Variants in ACVR1 observed in about 807,000 individuals in gnomAD.
ACVR1 encodes the protein activin A receptor type 1.
Under a neutral mutation model 57.1 loss-of-function variants are expected in ACVR1, and 38 were observed. The ratio of observed to expected loss-of-function variants is 0.67; its 90% confidence interval spans 0.51 to 0.87. The LOEUF is 0.87. Ranked by LOEUF, ACVR1 falls within the 40% of genes least tolerant of loss-of-function variation. The pLI, the probability that ACVR1 is intolerant of heterozygous loss-of-function variation, is 0.00. For synonymous variants in ACVR1, 212 were observed against 228.1 expected (o/e 0.93, Z 0.63); for missense variants, 463 against 638.2 (o/e 0.73, Z 2.96).
intron 1 of ACVR1, among the ~76,000 whole-genome samples, 168 bp from the exon 2 acceptor site, chr2:157,818,727 G>A (rs1380121895): frequency 6.6e-6 from 1 of 152,184 alleles, no homozygotes; most frequent in African/African-American, 2.4e-5. Context: ...ACACTGATAG[G>A]AAGAGTGTGG....
At chr2:157,836,729 T>A (rs1004760692) in intron 1 of ACVR1, among the ~76,000 whole-genome samples, 4 of 152,172 alleles carry the variant, frequency 2.6e-5, no homozygotes, top group African/African-American at 9.7e-5. Context: ...CCTGACACAG[T>A]GAGCACACTC....
intron 8 of ACVR1, among the ~76,000 whole-genome samples, chr2:157,763,162 T>C (rs781368611): frequency 3.3e-5 from 5 of 152,212 alleles, no homozygotes; most frequent in Non-Finnish European, 7.3e-5. Flanking sequence ...TATAAAATGA[T>C]ACTAGAGAAT....
chr2:157,847,537 T>A (rs553862379), intron 1 of ACVR1, among the ~76,000 whole-genome samples: 3 of 152,336 alleles, frequency 2.0e-5, no homozygotes, highest in Admixed American at 1.3e-4. Flanking sequence ...ATTTTCTATT[T>A]AACCACTGTT....
intron 3 of ACVR1, among the ~76,000 whole-genome samples, chr2:157,782,311 G>T (rs942318637): frequency 1.3e-5 from 2 of 152,096 alleles, no homozygotes; most frequent in East Asian, 3.8e-4. Context: ...ACCACAAGGG[G>T]CTCATCCAAG....
In ACVR1 at chr2:157,796,864, T is replaced by C. The variant is rs570401317; in HGVS notation, c.67+2563A>G. 1.1e-4 allele frequency among the ~76,000 whole-genome samples: 17 copies of C among 152,304 alleles called. 1 individual carries two copies. In the South Asian group the frequency reaches 3.1e-3, roughly 28 times the overall value. On this transcript the variant is annotated intron_variant, in intron 3 of 10. Coordinates refer to ENST00000434821, the MANE Select transcript of ACVR1 (RefSeq NM_001111067.4). ...TTTCCTCGTATTAATTCCTTCAACA[T>C]TGCCACTCAGGATCCCTTCCCCATA...
At chr2:157,862,491 A>AAT (rs1689758718) in intron 1 of ACVR1, among the ~76,000 whole-genome samples, 1 of 150,984 alleles carries the variant, frequency 6.6e-6, no homozygotes, top group Non-Finnish European at 1.5e-5. Flanking sequence ...TGTATTTACT[A>AAT]ATATATATAT....
At chr2:157,862,435 A>G (rs1399191923) in intron 1 of ACVR1, among the ~76,000 whole-genome samples, 1 of 150,868 alleles carries the variant, frequency 6.6e-6, no homozygotes, top group African/African-American at 2.4e-5. Flanking sequence ...ACACACACAC[A>G]CACACACACA....
At chr2:157,841,536 T>C (rs1332940007) in intron 1 of ACVR1, among the ~76,000 whole-genome samples, 1 of 152,108 alleles carries the variant, frequency 6.6e-6, no homozygotes, top group Non-Finnish European at 1.5e-5. Context: ...TTACTTAAAC[T>C]TACAGTTAAA....
At chr2:157,872,517 C>A (rs567275272) in intron 1 of ACVR1, among the ~76,000 whole-genome samples, 1 of 152,282 alleles carries the variant, frequency 6.6e-6, no homozygotes. Flanking sequence ...GCAGCCCACA[C>A]TATTTAGTTG....
rs532085006 is a variant in ACVR1, at chr2:157,862,992, C to T, written c.-183+12804G>A. ...TTCTATGAATATATATAAACCTAAC[C>T]GCTGCTGTAGAACATTTACTTTTTT... is the stretch of plus-strand genomic sequence containing the variant. On this transcript the variant is annotated intron_variant, in intron 1 of 10. Transcript: ENST00000434821. Among the ~76,000 whole-genome samples the T allele has an allele frequency of 4.0e-4, 59 of 148,910 alleles. 1 individual carries two copies. The highest frequency in any genetic ancestry group is 3.3e-4 in the Non-Finnish European group (22 of 67,556).
chr2:157,778,043 T>C (rs1686356784), intron 5 of ACVR1, 88 bp downstream of exon 5: 1 of 1,382,744 alleles, frequency 7.2e-7, no homozygotes, highest in African/African-American at 1.4e-5. Flanking sequence ...CAGTCACTCA[T>C]TACTGGTTAG....
intron 9 of ACVR1, among the ~76,000 whole-genome samples, chr2:157,743,147 C>T (rs564787839): frequency 1.3e-5 from 2 of 152,266 alleles, no homozygotes; most frequent in African/African-American, 2.4e-5. Flanking sequence ...CAACTGTCAT[C>T]GTGGTCAAGT....
At chr2:157,746,804 G>A (rs1220133) in intron 9 of ACVR1, among the ~76,000 whole-genome samples, 57,736 of 152,092 alleles carry the variant, frequency 0.38, 14,051 homozygotes, top group African/African-American at 0.7. Context: ...AGGTAAGAAA[G>A]CCGTTTTCTT....
chr2:157,826,834 G>A (rs185543210), intron 1 of ACVR1, among the ~76,000 whole-genome samples: 2 of 127,992 alleles, frequency 1.6e-5, no homozygotes, highest in African/African-American at 6.4e-5. Flanking sequence ...GAGGGGAGAG[G>A]GGAGAGGGGA....
In ACVR1 at chr2:157,875,926, ACT is replaced by A. The variant is rs1164829829; in HGVS notation, c.-315_-314del. Reference sequence around the variant, plus strand: ...GGTGCAGCCGGCGAGGGAGCCCGGAACTCTGCGGGGCCGGGAGCCGGGGGCCG... The same window carrying A: ...GGTGCAGCCGGCGAGGGAGCCCGGAACTGCGGGGCCGGGAGCCGGGGGCCG... On this transcript the variant is annotated 5_prime_UTR_variant, in exon 1 of 11. Coordinates refer to ENST00000434821, the MANE Select transcript of ACVR1 (RefSeq NM_001111067.4). 6.9e-6 allele frequency: 1 copy of A among 145,304 alleles called. No homozygotes were observed. The highest frequency in any genetic ancestry group is 2.5e-5 in the African/African-American group (1 of 39,554). 9.0% of individuals were successfully genotyped at this position (145,304 alleles called of 1,614,324 possible). A position where few individuals can be genotyped will look rare whatever the true frequency, so the allele number is the denominator to read the frequency against.
intron 9 of ACVR1, among the ~76,000 whole-genome samples, chr2:157,759,057 TA>T (rs1685541674): frequency 6.6e-6 from 1 of 151,506 alleles, no homozygotes; most frequent in Admixed American, 6.6e-5. Flanking sequence ...AGATTCCAAA[TA>T]AAGAATCTAA....
intron 8 of ACVR1, among the ~76,000 whole-genome samples, chr2:157,764,346 C>T (rs1045041391): frequency 8.0e-5 from 12 of 150,222 alleles, no homozygotes; most frequent in African/African-American, 2.9e-4. Context: ...CCACGCCCGG[C>T]TATTATTATT....
At chr2:157,760,812 C>G in intron 9 of ACVR1, 68 bp downstream of exon 9, 3 of 1,463,114 alleles carry the variant, frequency 2.1e-6, no homozygotes, top group South Asian at 2.3e-5. Context: ...GTCCCTTCAG[C>G]CCTTTTAAAG....
At chr2:157,855,778 T>C (rs1320085860) in intron 1 of ACVR1, among the ~76,000 whole-genome samples, 1 of 152,118 alleles carries the variant, frequency 6.6e-6, no homozygotes, top group Non-Finnish European at 1.5e-5. Flanking sequence ...GCAGGGTCAA[T>C]GGTCCTTCAG....
Sources: allele counts gnomAD v4.1 joint callset (sites outside exome capture counted in the v4.1 genomes callset), GRCh38; gene constraint gnomAD v4.1.1; transcripts MANE v1.5; gene names NCBI Gene and HGNC (gene_info 2026-07-23, HGNC 2026-07-21).